The following ACO2 variants were observed in gnomAD, a reference collection of about 807,000 sequenced individuals.
The protein encoded by ACO2 is aconitate hydratase, mitochondrial.
In ACO2, 31 loss-of-function variants were observed where a neutral mutation model predicts 84.5. The observed-to-expected ratio is 0.37, with a 90% confidence interval of 0.28 to 0.50. The LOEUF (loss-of-function observed/expected upper bound fraction) is 0.50. Ranked by LOEUF, ACO2 falls within the 20% of genes least tolerant of loss-of-function variation. ACO2 has a pLI of 0.97. For synonymous variants in ACO2, 414 were observed against 412.7 expected, an observed-to-expected ratio of 1.00 and a Z score of -0.04; for missense variants, 685 against 1,029.3, an observed-to-expected ratio of 0.67 and a Z score of 4.58.
intron 1 of ACO2, among the ~76,000 whole-genome samples, chr22:41,481,420 C>G (rs2038085513): frequency 6.6e-6 from 1 of 152,232 alleles, no homozygotes; most frequent in South Asian, 2.1e-4. Context: ...GCTCTGTATG[C>G]TGGGGCTCAC....
At chr22:41,517,722 G>T in intron 7 of ACO2, 91 bp downstream of exon 7, 1 of 1,193,314 alleles carries the variant, frequency 8.4e-7, no homozygotes, top group Non-Finnish European at 1.2e-6. Flanking sequence ...GTAGGGCAGG[G>T]GTTCTTAACC....
chr22:41,497,735 T>C (rs1291856699), intron 1 of ACO2, among the ~76,000 whole-genome samples: 3 of 151,558 alleles, frequency 2.0e-5, no homozygotes, highest in Admixed American at 6.6e-5. Context: ...ATACAAAAAT[T>C]AGCAAAGTGT....
intron 16 of ACO2, 178 bp downstream of exon 16, chr22:41,527,598 G>A (rs987724713): frequency 6.1e-5 from 57 of 940,958 alleles, no homozygotes; most frequent in African/African-American, 4.0e-4. Flanking sequence ...TCAGCTTCCC[G>A]GCTTCCCGCA....
At chr22:41,516,111 ATGAAGAGAT>A in intron 6 of ACO2, 194 bp downstream of exon 6, 1 of 730,578 alleles carries the variant, frequency 1.4e-6, no homozygotes, top group Non-Finnish European at 2.3e-6. Flanking sequence ...CATTAAACAG[ATGAAGAGAT>A]TGAGATACCT....
chr22:41,489,080 C>G (rs2066253893), intron 1 of ACO2, among the ~76,000 whole-genome samples: 1 of 152,050 alleles, frequency 6.6e-6, no homozygotes, highest in Non-Finnish European at 1.5e-5. Context: ...GCTCTGTGGT[C>G]CAGGCTGGAG....
At chr22:41,516,040 G>T in intron 6 of ACO2, 123 bp downstream of exon 6, 1 of 1,326,872 alleles carries the variant, frequency 7.5e-7, no homozygotes, top group Non-Finnish European at 1.1e-6. Flanking sequence ...TGGGGACTTG[G>T]GATAGACAGA....
intron 1 of ACO2, among the ~76,000 whole-genome samples, chr22:41,471,375 A>G (rs1046177204): frequency 2.0e-5 from 3 of 152,130 alleles, no homozygotes; most frequent in African/African-American, 7.2e-5. Context: ...CAAATAACCA[A>G]CTAACACGGT....
chr22:41,523,085 C>T (rs1033072823), intron 10 of ACO2, 98 bp downstream of exon 10: 1 of 1,564,742 alleles, frequency 6.4e-7, no homozygotes, highest in South Asian at 1.2e-5. Context: ...GGGGCTGGGG[C>T]AGGTCCCAGT....
intron 1 of ACO2, among the ~76,000 whole-genome samples, chr22:41,482,082 T>C (rs1569002116): frequency 6.6e-6 from 1 of 152,162 alleles, no homozygotes. Context: ...GGTGCCTGGC[T>C]CCCCGGTGGG....
intron 1 of ACO2, among the ~76,000 whole-genome samples, chr22:41,474,282 T>G (rs1263489830): frequency 6.7e-6 from 1 of 150,320 alleles, no homozygotes; most frequent in Non-Finnish European, 1.5e-5. Flanking sequence ...GTCGTGTGTT[T>G]GCAGTCATTT....
Position 41,528,687 on chromosome 22 carries a change from C to T in ACO2, c.*74C>T. 1 of 1,557,680 alleles carries T rather than the reference C, an allele frequency of 6.4e-7. No individual in the cohort carries two copies. Among genetic ancestry groups the T allele is most frequent in the East Asian group, 2.3e-5 (1 of 43,494 alleles). ...GTGCCATCAGTGGATCCGATCCGTC[C>T]AGCCATGGCTTCCTATTCCAAGATG... is the stretch of plus-strand genomic sequence containing the variant. On this transcript the variant is annotated 3_prime_UTR_variant, in exon 18 of 18. Coordinates refer to ENST00000216254, the MANE Select transcript of ACO2 (RefSeq NM_001098.3).
intron 9 of ACO2, among the ~76,000 whole-genome samples, chr22:41,520,836 C>T (rs988501341): frequency 1.8e-4 from 26 of 142,872 alleles, no homozygotes; most frequent in African/African-American, 6.5e-4. Flanking sequence ...AGCGAGGCTC[C>T]GTCTCAGAAA....
intron 2 of ACO2, among the ~76,000 whole-genome samples, chr22:41,501,255 G>A (rs2066351896): frequency 6.6e-6 from 1 of 152,134 alleles, no homozygotes; most frequent in African/African-American, 2.4e-5. Flanking sequence ...TCCCACCGTG[G>A]TCTCCCAAAG....
At position 41,515,725 on chromosome 22, in the gene ACO2, C is replaced by T; in HGVS notation, c.685-42C>T. 6.2e-7 allele frequency: 1 copy of T among 1,611,728 alleles called. No individual in the cohort carries two copies. Among genetic ancestry groups the T allele is most frequent in the Non-Finnish European group, 8.5e-7 (1 of 1,179,570 alleles). ...ATCCTGACTTCGTGGCTGGCACAGGCACACACGGCCTCTCACAGCCGCCTC... is the reference window on the plus strand; with the variant it reads ...ATCCTGACTTCGTGGCTGGCACAGGTACACACGGCCTCTCACAGCCGCCTC... On this transcript the variant is annotated intron_variant, in intron 5 of 17. Coordinates refer to ENST00000216254, the MANE Select transcript of ACO2 (RefSeq NM_001098.3). The surrounding 1 kb of genome is among the most constrained non-coding windows in gnomAD (Gnocchi z 5.8).
intron 2 of ACO2, among the ~76,000 whole-genome samples, chr22:41,507,335 G>C (rs761158535): frequency 2.6e-5 from 4 of 152,114 alleles, no homozygotes; most frequent in Non-Finnish European, 5.9e-5. Context: ...GTGGGGCTGA[G>C]GGCACAGAGG....
intron 2 of ACO2, among the ~76,000 whole-genome samples, chr22:41,503,316 G>A (rs1216832924): frequency 6.6e-6 from 1 of 151,624 alleles, no homozygotes; most frequent in Non-Finnish European, 1.5e-5. Context: ...GTACAGACGA[G>A]GGGATTGTTC....
chr22:41,518,617 G>A, intron 8 of ACO2, 45 bp downstream of exon 8: 2 of 1,454,824 alleles, frequency 1.4e-6, no homozygotes, highest in Non-Finnish European at 1.9e-6. Context: ...TGAGAGTAGT[G>A]GGGAGCAGGG....
At chr22:41,509,625 AC>A (rs1258142353) in intron 3 of ACO2, among the ~76,000 whole-genome samples, 1 of 151,932 alleles carries the variant, frequency 6.6e-6, no homozygotes, top group Non-Finnish European at 1.5e-5. Context: ...ATTTGCAAAG[AC>A]CCTGAGCCAG....
intron 2 of ACO2, among the ~76,000 whole-genome samples, chr22:41,504,546 C>T (rs753351500): frequency 6.6e-6 from 1 of 152,026 alleles, no homozygotes; most frequent in Non-Finnish European, 1.5e-5. Flanking sequence ...TTGTCTCCCT[C>T]GGGGCCCAGA....
Sources: allele counts gnomAD v4.1 joint callset (sites outside exome capture counted in the v4.1 genomes callset), GRCh38; gene constraint gnomAD v4.1.1; non-coding constraint Gnocchi (gnomAD v3.1); transcripts MANE v1.5; gene names NCBI Gene and HGNC (gene_info 2026-07-23, HGNC 2026-07-21).